ASPRV1: variants seen among roughly 807,000 people sequenced by gnomAD.
ASPRV1 encodes aspartic peptidase retroviral like 1, also known as retroviral-like aspartic protease 1.
A neutral mutation model predicts 11.0 loss-of-function variants in ASPRV1; 7 were observed. The ratio of observed to expected loss-of-function variants is 0.64; its 90% CI spans 0.36 to 1.20. The LOEUF is 1.20. Among genes scored for constraint, ASPRV1 ranks in the 50% most tolerant of loss-of-function variants. The pLI, the probability that ASPRV1 is intolerant of heterozygous loss-of-function variation, is 0.02. For synonymous variants in ASPRV1, 136 were observed against 138.4 expected (o/e 0.98, Z 0.12); for missense variants, 299 against 320.0 (o/e 0.93, Z 0.50).
chr2:69,939,123 A>G, the ASPRV1 span: 4 of 152,138 alleles, frequency 2.6e-5, no homozygotes. Context: ...TTTCCCACTT[A>G]ACACAGTGAT....
chr2:69,996,214 CAAAAAAAAA>C, the ASPRV1 span, among the ~76,000 whole-genome samples: 2 of 53,884 alleles, frequency 3.7e-5, no homozygotes, highest in South Asian at 1.2e-3. Flanking sequence ...CCCCATCTCT[CAAAAAAAAA>C]AAAAAAAAAA....
the ASPRV1 span, among the ~76,000 whole-genome samples, chr2:69,990,107 T>C: frequency 6.6e-6 from 1 of 152,244 alleles, no homozygotes. Flanking sequence ...CCAAAGGTCA[T>C]ACAAAGTGAC....
At chr2:70,081,510 T>G in the ASPRV1 span, 1 of 151,904 alleles carries the variant, frequency 6.6e-6, no homozygotes. Flanking sequence ...AAAAAAAAAT[T>G]TTTCAACAGA....
chr2:69,960,341 C>T lies in ASPRV1; in HGVS notation c.*316G>A. ...GGGAATCTGAAGGGGTCCCACAGTTCTTTCAAAGACAAGCATTTCTAGCTT... is the reference window on the plus strand; with the variant it reads ...GGGAATCTGAAGGGGTCCCACAGTTTTTTCAAAGACAAGCATTTCTAGCTT... On this transcript the variant is annotated 3_prime_UTR_variant, in exon 1 of 1. Transcript: ENST00000320256. 1 of 311,316 alleles carries T rather than the reference C, an allele frequency of 3.2e-6. No homozygotes were observed. The highest frequency in any genetic ancestry group is 4.4e-5 in the Admixed American group (1 of 22,626). The allele number at this position is 311,316 out of a possible 1,614,324, so 19.3% of individuals were successfully genotyped here.
At chr2:69,987,605 T>A in the ASPRV1 span, among the ~76,000 whole-genome samples, 882 of 114,834 alleles carry the variant, frequency 7.7e-3, 10 homozygotes, top group African/African-American at 0.021. Context: ...AAAAAAAAAA[T>A]TTAGCCGGGC....
the ASPRV1 span, among the ~76,000 whole-genome samples, chr2:69,950,129 G>A: frequency 0.01 from 1,581 of 152,222 alleles, 32 homozygotes; most frequent in African/African-American, 0.037. Flanking sequence ...ACATATAGAT[G>A]TAAAAGTGCA....
chr2:70,003,461 G>A, the ASPRV1 span: 4 of 152,416 alleles, frequency 2.6e-5, no homozygotes, highest in African/African-American at 9.6e-5. Flanking sequence ...TTTTGAAAAT[G>A]TCATCTTTTG....
At chr2:70,048,028 A>G in the ASPRV1 span, among the ~76,000 whole-genome samples, 5 of 137,948 alleles carry the variant, frequency 3.6e-5, no homozygotes, top group East Asian at 2.2e-4. Flanking sequence ...AGAATTGCTT[A>G]AATCCGGGAG....
the ASPRV1 span, among the ~76,000 whole-genome samples, chr2:69,937,638 G>T: frequency 1.3e-5 from 2 of 152,070 alleles, no homozygotes; most frequent in Non-Finnish European, 2.9e-5. Flanking sequence ...GTTTTGAGAC[G>T]GAATCTTGCT....
At chr2:70,039,784 T>C in the ASPRV1 span, among the ~76,000 whole-genome samples, 4 of 152,196 alleles carry the variant, frequency 2.6e-5, no homozygotes, top group Non-Finnish European at 2.9e-5. Context: ...TTACTTAGAG[T>C]CTGAATCTCA....
chr2:69,956,613 CA>C (rs1368479280), downstream of ASPRV1, among the ~76,000 whole-genome samples: 1 of 152,068 alleles, frequency 6.6e-6, no homozygotes, highest in Non-Finnish European at 1.5e-5. Flanking sequence ...ACAATTCAGA[CA>C]AAGATCACCA....
At chr2:70,066,149 C>T in the ASPRV1 span, among the ~76,000 whole-genome samples, 1 of 152,016 alleles carries the variant, frequency 6.6e-6, no homozygotes, top group Admixed American at 6.6e-5. Flanking sequence ...GCAGAGGTTG[C>T]ATGAGCCGAA....
At chr2:70,003,193 G>A in the ASPRV1 span, 1 of 152,334 alleles carries the variant, frequency 6.6e-6, no homozygotes, top group Non-Finnish European at 1.5e-5. Context: ...GTGGACGGAG[G>A]AGAGAAGTCC....
chr2:70,068,121 G>A, the ASPRV1 span, among the ~76,000 whole-genome samples: 59 of 152,320 alleles, frequency 3.9e-4, 1 homozygote, highest in South Asian at 7.5e-3. Flanking sequence ...CTGGGCTATA[G>A]CCCCAGGAGG....
At chr2:70,041,127 A>G in the ASPRV1 span, among the ~76,000 whole-genome samples, 4 of 152,350 alleles carry the variant, frequency 2.6e-5, no homozygotes, top group Non-Finnish European at 4.4e-5. Flanking sequence ...ATTTAAGGTC[A>G]TGGTCAAAGC....
the ASPRV1 span, chr2:69,941,566 G>GTGTTT: frequency 1.3e-5 from 2 of 152,252 alleles, no homozygotes; most frequent in East Asian, 1.9e-4. Flanking sequence ...GGCCACTTGA[G>GTGTTT]TGTTTTGTTT....
chr2:70,047,904 A>T, the ASPRV1 span, among the ~76,000 whole-genome samples: 3 of 152,046 alleles, frequency 2.0e-5, no homozygotes. Context: ...AGGTCAAGAG[A>T]TCGAGACCAT....
the ASPRV1 span, chr2:69,994,257 G>A: frequency 6.6e-6 from 1 of 152,328 alleles, no homozygotes; most frequent in African/African-American, 2.4e-5. Flanking sequence ...AGACCTGAGA[G>A]GTCCCATTAA....
the ASPRV1 span, among the ~76,000 whole-genome samples, chr2:70,051,983 AG>A: frequency 6.6e-6 from 1 of 152,148 alleles, no homozygotes; most frequent in Non-Finnish European, 1.5e-5. Context: ...TCCAAAAAAA[AG>A]GGGTAGAAAC....
Sources: allele counts gnomAD v4.1 joint callset (sites outside exome capture counted in the v4.1 genomes callset), GRCh38; gene constraint gnomAD v4.1.1; transcripts MANE v1.5; gene names NCBI Gene and HGNC (gene_info 2026-07-23, HGNC 2026-07-21).